The following FAM76A variants were observed in gnomAD, a reference collection of about 807,000 sequenced individuals.
FAM76A encodes the protein protein FAM76A.
Under a neutral mutation model 46.2 loss-of-function variants are expected in FAM76A, and 32 were observed. The observed-to-expected ratio is 0.69, with a 90% CI of 0.52 to 0.93. The LOEUF is 0.93. FAM76A is among the 40% of genes least tolerant of loss of function. The probability of loss-of-function intolerance (pLI) is 0.00; values close to 1 mark genes in which losing one functional copy is unlikely to be tolerated. For missense variants in FAM76A, 274 were observed against 361.5 expected, an observed-to-expected ratio of 0.76 and a Z score of 1.96; for synonymous variants, 137 against 127.0, an observed-to-expected ratio of 1.08 and a Z score of -0.53.
intron 4 of FAM76A, among the ~76,000 whole-genome samples, chr1:27,737,868 C>CAAAAAAAAAAAAAAAAAAAAA (rs71571865): frequency 2.9e-4 from 18 of 62,714 alleles, no homozygotes; most frequent in Non-Finnish European, 4.6e-4. Context: ...ACAACAACAA[C>CAAAAAAAAAAAAAAAAAAAAA]AAAAAAAAAA....
intron 2 of FAM76A, among the ~76,000 whole-genome samples, chr1:27,731,511 A>G (rs2087957867): frequency 6.6e-6 from 1 of 152,020 alleles, no homozygotes; most frequent in South Asian, 2.1e-4. Flanking sequence ...CGGCCTAAAT[A>G]TTGACAAAAT....
intron 7 of FAM76A, among the ~76,000 whole-genome samples, chr1:27,756,280 T>G (rs1020998410): frequency 6.6e-6 from 1 of 152,208 alleles, no homozygotes; most frequent in Non-Finnish European, 1.5e-5. Flanking sequence ...ATGTTAATAT[T>G]TTAATATCTT....
intron 7 of FAM76A, 147 bp downstream of exon 7, chr1:27,755,477 A>G (rs1373458932): frequency 1.8e-6 from 2 of 1,084,134 alleles, no homozygotes; most frequent in Non-Finnish European, 2.7e-6. Context: ...GCTGTCTGCC[A>G]AGATGACTTT....
At chr1:27,739,415 G>T in intron 4 of FAM76A, 1 of 508,748 alleles carries the variant, frequency 2.0e-6, no homozygotes, top group Non-Finnish European at 4.0e-6. Flanking sequence ...CCAACCTCGT[G>T]GAAATGTTTT....
At chr1:27,753,116 G>A (rs1413641347) in intron 6 of FAM76A, among the ~76,000 whole-genome samples, 2 of 152,324 alleles carry the variant, frequency 1.3e-5, no homozygotes, top group East Asian at 3.9e-4. Flanking sequence ...GCTGGAGGTT[G>A]TGGTGAGCCG....
chr1:27,728,783 G>A (rs1383596034), intron 2 of FAM76A, among the ~76,000 whole-genome samples: 3 of 151,972 alleles, frequency 2.0e-5, no homozygotes, highest in South Asian at 2.1e-4. Context: ...CTAACATGAC[G>A]AAACCCAGTC....
intron 5 of FAM76A, among the ~76,000 whole-genome samples, chr1:27,746,464 C>T (rs1453278836): frequency 6.6e-6 from 1 of 152,020 alleles, no homozygotes; most frequent in Non-Finnish European, 1.5e-5. Context: ...GGCTCACACC[C>T]GTAATCCCAG....
chr1:27,741,815 G>A (rs778153474), intron 4 of FAM76A, among the ~76,000 whole-genome samples: 4 of 151,338 alleles, frequency 2.6e-5, no homozygotes, highest in African/African-American at 7.3e-5. Flanking sequence ...CCCAGGAGAC[G>A]AAGGTTGCAG....
At chr1:27,750,041 C>T (rs2088306599) in intron 6 of FAM76A, among the ~76,000 whole-genome samples, 1 of 152,112 alleles carries the variant, frequency 6.6e-6, no homozygotes, top group African/African-American at 2.4e-5. Context: ...TGGGACCAAC[C>T]ATTTTTCTGT....
rs2088493195 is a variant in FAM76A, at chr1:27,760,870, C to CTTTTTTCT, written c.*296_*303dup. 4.6e-5 allele frequency: 2 copies of CTTTTTTCT among 43,156 alleles called. No individual in the cohort carries two copies. The highest frequency in any genetic ancestry group is 4.7e-5 in the Non-Finnish European group (1 of 21,276). 2.7% of individuals were successfully genotyped at this position (43,156 alleles called of 1,614,324 possible). A position where few individuals can be genotyped will look rare whatever the true frequency, so the allele number is the denominator to read the frequency against. On this transcript the variant is annotated 3_prime_UTR_variant, in exon 9 of 9. Coordinates refer to ENST00000373954, the MANE Select transcript of FAM76A (RefSeq NM_152660.3). Reference sequence around the variant, plus strand: ...TATTTTGGTTCTATTCTTTTTTTTTCTTTTTTCTTTTTTTTTTTTTTTTTT... The same window carrying CTTTTTTCT: ...TATTTTGGTTCTATTCTTTTTTTTTCTTTTTTCTTTTTTTCTTTTTTTTTTTTTTTTTT...
intron 4 of FAM76A, among the ~76,000 whole-genome samples, chr1:27,736,643 A>G (rs903153692): frequency 6.6e-6 from 1 of 152,196 alleles, no homozygotes; most frequent in African/African-American, 2.4e-5. Flanking sequence ...GCTGGAGTGC[A>G]GTGGCACGAC....
intron 2 of FAM76A, 34 bp downstream of exon 2, chr1:27,727,570 G>A (rs761947294): frequency 6.5e-7 from 1 of 1,544,822 alleles, no homozygotes; most frequent in Admixed American, 1.7e-5. Context: ...GATATTAATA[G>A]GCTTTTTTCC....
chr1:27,749,533 T>G (rs1002992606), intron 6 of FAM76A, among the ~76,000 whole-genome samples: 5 of 152,188 alleles, frequency 3.3e-5, no homozygotes, highest in African/African-American at 9.7e-5. Flanking sequence ...GTCCAGCTAA[T>G]TTTTGTACAT....
At chr1:27,759,248 T>C (rs531530703) in intron 7 of FAM76A, among the ~76,000 whole-genome samples, 9 of 152,286 alleles carry the variant, frequency 5.9e-5, no homozygotes, top group Admixed American at 2.6e-4. Flanking sequence ...TGAAGTAATA[T>C]AATCATATAA....
chr1:27,725,976 C>G lies in FAM76A; in HGVS notation c.-105C>G. The G allele has an allele frequency of 1.1e-6, 1 of 918,762 alleles. No individual in the cohort carries two copies. The highest frequency in any genetic ancestry group is 1.4e-6 in the Non-Finnish European group (1 of 708,606). The allele number at this position is 918,762 out of a possible 1,614,324, so 56.9% of individuals were successfully genotyped here. On this transcript the variant is annotated 5_prime_UTR_variant, in exon 1 of 9. Transcript: ENST00000373954. Reference sequence around the variant, plus strand: ...GCCCCGACCCGCCTGCGCCCGCCCGCCTGCCGCAGCCAGCAGCCTGCAGCC... The same window carrying G: ...GCCCCGACCCGCCTGCGCCCGCCCGGCTGCCGCAGCCAGCAGCCTGCAGCC...
rs1408952010 is a variant in FAM76A, at chr1:27,739,529, G to A, written c.355-5125G>A. On this transcript the variant is annotated intron_variant, in intron 4 of 8. Transcript: ENST00000373954. The stretch of plus-strand genomic sequence containing the variant: ...TGGCAGGGTGTGGTGGCTCACACCT[G>A]TAATCGTAGCACTTTGGGAGGCCGA... 9 of 345,616 alleles carry A rather than the reference G, an allele frequency of 2.6e-5. No homozygotes were observed. The Admixed American group carries it at 3.1e-4, about 12-fold the overall frequency. 21.4% of individuals were successfully genotyped at this position (345,616 alleles called of 1,614,324 possible).
In FAM76A at chr1:27,748,770, C is replaced by T. The variant is rs548589102; in HGVS notation, c.513-298C>T. Among the ~76,000 whole-genome samples the T allele has an allele frequency of 8.5e-5, 13 of 152,278 alleles. No individual in the cohort carries two copies. The East Asian group carries it at 1.9e-3, about 23-fold the overall frequency. ...TGCCGGGATTACAGGCGTGAGCCAC[C>T]GCACCCGGCCTCTTATTGAAGTTTT... On this transcript the variant is annotated intron_variant, in intron 5 of 8. Transcript: ENST00000373954.
intron 4 of FAM76A, chr1:27,739,057 G>C (rs2088105618): frequency 4.1e-6 from 1 of 241,476 alleles, no homozygotes; most frequent in Non-Finnish European, 8.1e-6. Context: ...AGTCAACATA[G>C]GCCATGAGGC....
intron 1 of FAM76A, 22 bp downstream of exon 1, chr1:27,726,183 C>G: frequency 7.9e-7 from 1 of 1,270,112 alleles, no homozygotes; most frequent in Non-Finnish European, 9.9e-7. Flanking sequence ...GGGGCGGCGG[C>G]CGGGAACTGG....
Sources: gnomAD v4.1 joint callset for allele counts (sites outside exome capture counted in the v4.1 genomes callset) on GRCh38, gnomAD v4.1.1 for gene constraint, MANE v1.5 for transcripts, NCBI Gene and HGNC (gene_info 2026-07-23, HGNC 2026-07-21) for gene names.